The following ADAM23 variants were observed in gnomAD, a reference collection of about 807,000 sequenced individuals.
ADAM23 encodes disintegrin and metalloproteinase domain-containing protein 23.
ADAM23 carries 33 observed loss-of-function variants against 120.1 expected under a neutral mutation model. The observed-to-expected ratio is 0.27, with a 90% CI of 0.21 to 0.37. ADAM23 has a LOEUF of 0.37. Among genes scored for constraint, ADAM23 ranks in the 10% least tolerant of loss-of-function variants. The pLI is 1.00. For missense variants in ADAM23, 862 were observed against 1,058.2 expected, an observed-to-expected ratio of 0.81 and a Z score of 2.57; for synonymous variants, 367 against 375.2, an observed-to-expected ratio of 0.98 and a Z score of 0.25.
intron 3 of ADAM23, among the ~76,000 whole-genome samples, chr2:206,495,137 A>T (rs1278144668): frequency 6.6e-6 from 1 of 152,206 alleles, no homozygotes; most frequent in African/African-American, 2.4e-5. Flanking sequence ...CAAATTCAGG[A>T]AAAATAGAGA....
At chr2:206,460,647 C>T (rs1695398535) in intron 2 of ADAM23, among the ~76,000 whole-genome samples, 1 of 152,068 alleles carries the variant, frequency 6.6e-6, no homozygotes, top group Admixed American at 6.6e-5. Context: ...AATCCCTTAC[C>T]AGATACATGA....
At chr2:206,602,673 A>C (rs954329607) in intron 24 of ADAM23, among the ~76,000 whole-genome samples, 3 of 152,156 alleles carry the variant, frequency 2.0e-5, no homozygotes, top group Non-Finnish European at 1.5e-5. Context: ...AAGGAAAAAA[A>C]CCCACTCAAT....
chr2:206,464,933 G>A (rs1695510786), intron 2 of ADAM23, among the ~76,000 whole-genome samples: 1 of 152,022 alleles, frequency 6.6e-6, no homozygotes. Context: ...TATCAGTTAG[G>A]AATATGGCAA....
At chr2:206,577,524 G>A (rs1698138056) in intron 18 of ADAM23, among the ~76,000 whole-genome samples, 1 of 140,446 alleles carries the variant, frequency 7.1e-6, no homozygotes, top group Non-Finnish European at 1.5e-5. Context: ...TTGGTTTTTT[G>A]TTCTTGCGAT....
At chr2:206,450,953 G>T (rs182543511) in intron 2 of ADAM23, among the ~76,000 whole-genome samples, 35 of 152,320 alleles carry the variant, frequency 2.3e-4, no homozygotes, top group Admixed American at 1.8e-3. Context: ...TCAGAATCAA[G>T]GTAGCCGCTG....
chr2:206,578,350 C>T (rs1698158748), intron 18 of ADAM23, among the ~76,000 whole-genome samples: 1 of 151,652 alleles, frequency 6.6e-6, no homozygotes, highest in African/African-American at 2.4e-5. Context: ...TCCCTCACCC[C>T]CCTCCCCAAT....
At chr2:206,457,432 T>TG (rs1208880040) in intron 2 of ADAM23, among the ~76,000 whole-genome samples, 2 of 152,156 alleles carry the variant, frequency 1.3e-5, no homozygotes, top group Non-Finnish European at 2.9e-5. Flanking sequence ...CACACATCTG[T>TG]GGGTTGAATA....
At chr2:206,513,059 C>T (rs1696658662) in intron 3 of ADAM23, among the ~76,000 whole-genome samples, 1 of 152,080 alleles carries the variant, frequency 6.6e-6, no homozygotes. Flanking sequence ...CTTCTCTCTC[C>T]CTCTCTGGCC....
intron 21 of ADAM23, among the ~76,000 whole-genome samples, chr2:206,592,354 G>A (rs954938024): frequency 2.6e-5 from 4 of 152,126 alleles, no homozygotes; most frequent in East Asian, 1.9e-4. Context: ...AGTGGGCGTC[G>A]AGAATGGGAG....
intron 3 of ADAM23, among the ~76,000 whole-genome samples, chr2:206,496,060 A>T (rs557760014): frequency 6.6e-6 from 1 of 152,078 alleles, no homozygotes; most frequent in Admixed American, 6.6e-5. Context: ...TGGGAGACTT[A>T]AACACCCCAC....
intron 3 of ADAM23, among the ~76,000 whole-genome samples, chr2:206,530,498 C>A (rs1207946882): frequency 6.6e-6 from 1 of 151,938 alleles, no homozygotes; most frequent in Non-Finnish European, 1.5e-5. Context: ...ATTAACATAT[C>A]AATCAGATCC....
At chr2:206,485,828 G>A (rs1696000802) in intron 3 of ADAM23, among the ~76,000 whole-genome samples, 1 of 152,184 alleles carries the variant, frequency 6.6e-6, no homozygotes, top group Non-Finnish European at 1.5e-5. Flanking sequence ...GGGGTGTCCA[G>A]CATGATTTAG....
chr2:206,536,896 G>T (rs1214819355), intron 4 of ADAM23, among the ~76,000 whole-genome samples: 9 of 151,766 alleles, frequency 5.9e-5, no homozygotes. Context: ...AGTAGAGACG[G>T]GGTGTCACCG....
chr2:206,607,923 AT>A, intron 24 of ADAM23: 1 of 421,714 alleles, frequency 2.4e-6, no homozygotes, highest in South Asian at 1.7e-5. Context: ...GTCAGGAATC[AT>A]TTTTCATGAA....
chr2:206,558,041 A>AT (rs760608814), intron 10 of ADAM23, among the ~76,000 whole-genome samples: 21 of 152,234 alleles, frequency 1.4e-4, no homozygotes, highest in Non-Finnish European at 2.5e-4. Flanking sequence ...ATTTGGAAGA[A>AT]TAAAATATGT....
At chr2:206,605,489 A>G (rs911883703) in intron 24 of ADAM23, among the ~76,000 whole-genome samples, 2 of 152,184 alleles carry the variant, frequency 1.3e-5, no homozygotes, top group Non-Finnish European at 2.9e-5. Context: ...AATTTAAATT[A>G]CTTTTTAATT....
intron 15 of ADAM23, 81 bp downstream of exon 15, chr2:206,567,403 C>A: frequency 8.9e-7 from 1 of 1,125,738 alleles, no homozygotes; most frequent in South Asian, 1.6e-5. Context: ...ATATCAGACG[C>A]CTGTCTTGGA....
chr2:206,510,513 C>T (rs554765390), intron 3 of ADAM23, among the ~76,000 whole-genome samples: 1 of 152,020 alleles, frequency 6.6e-6, no homozygotes, highest in Admixed American at 6.5e-5. Context: ...CAATAAATAC[C>T]AATTCTTTAC....
At chr2:206,520,820 C>G (rs1218136561) in intron 3 of ADAM23, among the ~76,000 whole-genome samples, 1 of 152,156 alleles carries the variant, frequency 6.6e-6, no homozygotes, top group East Asian at 1.9e-4. Flanking sequence ...CTAGAGTTCC[C>G]TTTCCTTTGA....
Sources: gnomAD v4.1 joint callset for allele counts (sites outside exome capture counted in the v4.1 genomes callset) on GRCh38, gnomAD v4.1.1 for gene constraint, MANE v1.5 for transcripts, NCBI Gene and HGNC (gene_info 2026-07-23, HGNC 2026-07-21) for gene names.